Variants in SSU72 observed in about 807,000 individuals in gnomAD.
SSU72 encodes the protein SSU72 homolog, RNA polymerase II CTD phosphatase, also known as RNA polymerase II subunit A C-terminal domain phosphatase SSU72.
In SSU72, 12 loss-of-function variants were observed where a neutral mutation model predicts 22.7. The ratio of observed to expected loss-of-function variants is 0.53; its 90% CI spans 0.34 to 0.86. The LOEUF is 0.86. SSU72 is among the 40% of genes least tolerant of loss of function. SSU72 has a pLI of 0.02. For synonymous variants in SSU72, 116 were observed against 98.3 expected, an observed-to-expected ratio of 1.18 and a Z score of -1.06; for missense variants, 151 against 249.8, an observed-to-expected ratio of 0.60 and a Z score of 2.67.
At position 1,566,136 on chromosome 1, in the gene SSU72, G is replaced by A. The variant is rs199674779; in HGVS notation, c.81-1220C>T. On this transcript the variant is annotated intron_variant, in intron 1 of 4. Transcript: ENST00000291386. ...AAAAATTAGCTGGGCATGGTGGTGCGTGCCTGTAATCCCAGCTACTTGGGA... is the reference window on the plus strand; with the variant it reads ...AAAAATTAGCTGGGCATGGTGGTGCATGCCTGTAATCCCAGCTACTTGGGA... Among the ~76,000 whole-genome samples, 9 of 151,998 alleles carry A rather than the reference G, an allele frequency of 5.9e-5. No homozygotes were observed. The East Asian group carries it at 1.4e-3, about 23-fold the overall frequency.
intron 2 of SSU72, among the ~76,000 whole-genome samples, chr1:1,558,577 C>G (rs1463170173): frequency 6.6e-6 from 1 of 152,214 alleles, no homozygotes; most frequent in African/African-American, 2.4e-5. Context: ...TACACGTTTA[C>G]TTGCTTTTGA....
intron 2 of SSU72, among the ~76,000 whole-genome samples, chr1:1,552,620 T>C (rs535702983): frequency 6.6e-6 from 1 of 152,300 alleles, no homozygotes; most frequent in African/African-American, 2.4e-5. Flanking sequence ...GGTGTCTCCT[T>C]CCTGAACACT....
chr1:1,567,201 G>A (rs1642672424), intron 1 of SSU72, among the ~76,000 whole-genome samples: 1 of 152,196 alleles, frequency 6.6e-6, no homozygotes. Flanking sequence ...AAGAGCCCAA[G>A]GGCACCCTGC....
chr1:1,567,899 C>T (rs1399835473), intron 1 of SSU72, among the ~76,000 whole-genome samples: 1 of 108,560 alleles, frequency 9.2e-6, no homozygotes, highest in African/African-American at 5.3e-5. Context: ...GGAAACAGAG[C>T]GATACTCTGT....
intron 2 of SSU72, chr1:1,564,505 C>T (rs1217781472): frequency 6.6e-6 from 10 of 1,512,738 alleles, no homozygotes; most frequent in East Asian, 4.9e-5. Flanking sequence ...CCCTGGTCTA[C>T]GCTATGTCAC....
At chr1:1,572,215 C>G (rs1339962909) in intron 1 of SSU72, among the ~76,000 whole-genome samples, 1 of 147,576 alleles carries the variant, frequency 6.8e-6, no homozygotes, top group Non-Finnish European at 1.5e-5. Context: ...ATCACGAGGT[C>G]AGGAGATCGA....
chr1:1,571,657 C>T (rs2100724500), intron 1 of SSU72, among the ~76,000 whole-genome samples: 1 of 152,310 alleles, frequency 6.6e-6, no homozygotes, highest in African/African-American at 2.4e-5. Context: ...GAGACCACAG[C>T]TCTGCCAGCA....
chr1:1,553,638 A>AAT (rs1642480979), intron 2 of SSU72, among the ~76,000 whole-genome samples: 1 of 127,658 alleles, frequency 7.8e-6, no homozygotes, highest in South Asian at 2.6e-4. Context: ...AAAAAAAAAA[A>AAT]AAATTAGCCG....
intron 2 of SSU72, among the ~76,000 whole-genome samples, chr1:1,551,598 C>T (rs957730510): frequency 2.6e-5 from 4 of 152,238 alleles, no homozygotes; most frequent in African/African-American, 9.6e-5. Flanking sequence ...GAGGGGGAGG[C>T]CTGACAGCTG....
chr1:1,569,422 C>G (rs925730681), intron 1 of SSU72, among the ~76,000 whole-genome samples: 9 of 152,212 alleles, frequency 5.9e-5, no homozygotes, highest in Non-Finnish European at 1.0e-4. Context: ...GCTAACATGT[C>G]GACACTTACT....
chr1:1,544,361 T>C (rs912509438), intron 3 of SSU72, among the ~76,000 whole-genome samples: 1 of 152,216 alleles, frequency 6.6e-6, no homozygotes, highest in Non-Finnish European at 1.5e-5. Context: ...CTCTCGCCTG[T>C]GATCCCAGCA....
At chr1:1,553,514 G>A (rs1642478967) in intron 2 of SSU72, among the ~76,000 whole-genome samples, 2 of 151,390 alleles carry the variant, frequency 1.3e-5, no homozygotes, top group African/African-American at 2.4e-5. Context: ...AGCGGCTCAT[G>A]CCTGTAATCC....
chr1:1,574,546 G>A lies in SSU72; in HGVS notation c.12C>T (p.Ser4=), dbSNP rs1218586493. 5.0e-6 allele frequency: 8 copies of A among 1,589,322 alleles called. No homozygotes were observed. The highest frequency in any genetic ancestry group is 1.4e-5 in the African/African-American group (1 of 71,594). Residue 4 remains serine (S), a synonymous_variant, in exon 1 of 5, where the codon TCC becomes TCT. Transcript: ENST00000291386. The part of the protein sequence containing the change: MPS[S]PLRVAVVCSS... ...AGCACACCACCGCCACCCGCAGCGG[G>A]GACGACGGCATGGCGGCGGCCGCAA...
At chr1:1,571,412 CAG>C (rs762981164) in intron 1 of SSU72, among the ~76,000 whole-genome samples, 16 of 134,278 alleles carry the variant, frequency 1.2e-4, no homozygotes, top group Non-Finnish European at 2.5e-4. Context: ...GCCTGGGCGA[CAG>C]AGGGAGACTC....
Position 1,574,851 on chromosome 1 carries a change from G to A in SSU72, c.-294C>T, listed in dbSNP as rs1235046056. ...CAGAGACCCGCACTCCACAAGGCCCGGCTGAGCGTCACGGCGCCAAGCGGC... is the reference window on the plus strand; with the variant it reads ...CAGAGACCCGCACTCCACAAGGCCCAGCTGAGCGTCACGGCGCCAAGCGGC... On this transcript the variant is annotated 5_prime_UTR_variant, in exon 1 of 5. Coordinates refer to ENST00000291386, the MANE Select transcript of SSU72 (RefSeq NM_014188.3). 35 of 360,824 alleles carry A rather than the reference G, an allele frequency of 9.7e-5. No individual in the cohort carries two copies. Among genetic ancestry groups the A allele is most frequent in the South Asian group, 6.2e-4 (30 of 48,692 alleles). The allele number at this position is 360,824 out of a possible 1,614,324, so 22.4% of individuals were successfully genotyped here.
rs375783845 is a variant in SSU72 at position 1,548,746 on chromosome 1, C to T, written c.225-3744G>A. On this transcript the variant is annotated intron_variant, in intron 2 of 4. Transcript: ENST00000291386. ...CACTCTGCGTCCTCCCACTCGCCCC[C>T]GGAGGCCTTCTGGACTTTGGCGTAA... 6.6e-5 allele frequency among the ~76,000 whole-genome samples: 10 copies of T among 152,296 alleles called. No homozygotes were observed. In the South Asian group the frequency reaches 1.4e-3, roughly 22 times the overall value.
chr1:1,556,112 A>G (rs1642517157), intron 2 of SSU72, among the ~76,000 whole-genome samples: 1 of 151,940 alleles, frequency 6.6e-6, no homozygotes, highest in African/African-American at 2.4e-5. Flanking sequence ...CCTGGCCAAC[A>G]TGGCAAAACC....
rs554705041 is a variant in SSU72, at chr1:1,556,434, C to T, written c.224+8339G>A. The stretch of plus-strand genomic sequence containing the variant: ...GGGCGCCCGTAATCCCAGCTACTTG[C>T]GGGGGCTGAGGCAGGAGAATCGCTT... On this transcript the variant is annotated intron_variant, in intron 2 of 4. Coordinates refer to ENST00000291386, the MANE Select transcript of SSU72 (RefSeq NM_014188.3). Among the ~76,000 whole-genome samples the T allele has an allele frequency of 5.3e-5, 8 of 151,908 alleles. No individual in the cohort carries two copies. The South Asian group carries it at 1.5e-3, about 28-fold the overall frequency.
chr1:1,548,907 C>T (rs1320938098), intron 2 of SSU72, among the ~76,000 whole-genome samples: 4 of 152,240 alleles, frequency 2.6e-5, no homozygotes, highest in African/African-American at 9.6e-5. Flanking sequence ...ACTCCCGTCC[C>T]ACAGTGACGT....
Sources: allele counts gnomAD v4.1 joint callset (sites outside exome capture counted in the v4.1 genomes callset), GRCh38; gene constraint gnomAD v4.1.1; transcripts MANE v1.5; gene names NCBI Gene and HGNC (gene_info 2026-07-23, HGNC 2026-07-21).